Variants in ZFP62 observed in about 807,000 individuals in gnomAD.
ZFP62 encodes the protein ZFP62 zinc finger protein, also known as zinc finger protein 62 homolog.
ZFP62 carries 44 observed loss-of-function variants against 56.4 expected under a neutral mutation model. The ratio of observed to expected loss-of-function variants is 0.78; its 90% CI spans 0.61 to 1.00. The LOEUF (loss-of-function observed/expected upper bound fraction) is 1.00. Among genes scored for constraint, ZFP62 ranks in the 50% least tolerant of loss-of-function variants. The pLI, the probability that ZFP62 is intolerant of heterozygous loss-of-function variation, is 0.00. For missense variants in ZFP62, 1,030 were observed against 1,085.7 expected, an observed-to-expected ratio of 0.95 and a Z score of 0.72; for synonymous variants, 421 against 388.9, an observed-to-expected ratio of 1.08 and a Z score of -0.97.
At position 180,850,995 on chromosome 5, in the gene ZFP62, T is replaced by C; in HGVS notation, c.500A>G (p.Lys167Arg). The C allele has an allele frequency of 6.4e-7, 1 of 1,552,036 alleles. No homozygotes were observed. Among genetic ancestry groups the C allele is most frequent in the Non-Finnish European group, 8.7e-7 (1 of 1,147,216 alleles). Residue 167 changes from lysine to arginine, a missense_variant, in exon 2 of 2, where the codon AAG (lysine) becomes AGG (arginine). By Grantham distance (26) the Lys-to-Arg change is conservative (BLOSUM62 2). Transcript: ENST00000502412. The part of the protein sequence containing the change: ...VQHKIMHTGE[K>R]RYECDDCGGT... ...TCCACAGTCATCACATTCATAGCGC[T>C]TTTCCCCAGTGTGCATAATTTTATG...
chr5:180,851,103 T>C lies in ZFP62; in HGVS notation c.392A>G (p.Gln131Arg), dbSNP rs1381073162. ...TTTCTTAACAGCATTGGTTTTCTGC[T>C]GTAGACTAGGGTAGGAGGTTCCATT... ...NINGTSYPSL[Q>R]QKTNAVKKLH... Residue 131 changes from glutamine to arginine, a missense_variant, in exon 2 of 2, where the codon CAG becomes CGG. Transcript: ENST00000502412. 5 of 1,551,762 alleles carry C rather than the reference T, an allele frequency of 3.2e-6. No individual in the cohort carries two copies. The East Asian group carries it at 1.2e-4, about 38-fold the overall frequency.
the ZFP62 span, among the ~76,000 whole-genome samples, chr5:180,841,300 C>CAT: frequency 1.6e-3 from 196 of 119,980 alleles, 1 homozygote; most frequent in Admixed American, 3.6e-3. Context: ...TATACATACA[C>CAT]ATATATATAT....
the ZFP62 span, among the ~76,000 whole-genome samples, chr5:180,829,358 T>A: frequency 6.6e-6 from 1 of 152,274 alleles, no homozygotes; most frequent in South Asian, 2.1e-4. Flanking sequence ...CTTTGAAGCA[T>A]ATGATCTTTG....
In ZFP62 at chr5:180,848,112, T is replaced by C. The variant is rs75887751; in HGVS notation, c.*680A>G. ...AAAAAAGTTTCATCCATTCAACTAA[T>C]GTATCACAATAGTACGTTCATCAAT... is the stretch of plus-strand genomic sequence containing the variant. On this transcript the variant is annotated 3_prime_UTR_variant, in exon 2 of 2. Transcript: ENST00000502412. 4.1e-6 allele frequency: 4 copies of C among 985,350 alleles called. No homozygotes were observed. Among genetic ancestry groups the C allele is most frequent in the African/African-American group, 3.5e-5 (2 of 57,242 alleles). The allele number at this position is 985,350 out of a possible 1,614,324, so 61.0% of individuals were successfully genotyped here. A position where few individuals can be genotyped will look rare whatever the true frequency, so the allele number is the denominator to read the frequency against.
chr5:180,861,161 GA>G, intron 1 of ZFP62, 57 bp downstream of exon 1: 1 of 398,702 alleles, frequency 2.5e-6, no homozygotes, highest in Non-Finnish European at 4.4e-6. Flanking sequence ...CCAAAAAGGG[GA>G]GGGCGTGGCA....
chr5:180,827,433 A>C, the ZFP62 span, among the ~76,000 whole-genome samples: 8 of 152,324 alleles, frequency 5.3e-5, no homozygotes, highest in East Asian at 1.5e-3. Flanking sequence ...GTGCTGTGTC[A>C]ACTCAGGGTT....
chr5:180,853,252 C>T (rs535228299), intron 1 of ZFP62, among the ~76,000 whole-genome samples: 19 of 152,270 alleles, frequency 1.2e-4, no homozygotes, highest in African/African-American at 4.1e-4. Context: ...GGACGAGGAG[C>T]GCTTCTGAAT....
At chr5:180,858,170 T>G (rs142201767) in intron 1 of ZFP62, among the ~76,000 whole-genome samples, 40 of 134,314 alleles carry the variant, frequency 3.0e-4, no homozygotes, top group African/African-American at 1.1e-3. Flanking sequence ...AGCAGGAGAA[T>G]TGCCTGAATC....
the ZFP62 span, among the ~76,000 whole-genome samples, chr5:180,832,442 T>G: frequency 1.3e-5 from 2 of 152,220 alleles, no homozygotes. Context: ...CATGAGCCAC[T>G]GCGCCTGGGC....
intron 1 of ZFP62, among the ~76,000 whole-genome samples, 168 bp downstream of exon 1, chr5:180,861,051 C>A (rs1481658971): frequency 1.3e-5 from 2 of 152,206 alleles, no homozygotes; most frequent in East Asian, 3.9e-4. Flanking sequence ...GTCTTCCCTC[C>A]CCTCCGCTCC....
At chr5:180,847,589 C>CTCCA (rs1388625835), downstream of ZFP62, 1 of 985,288 alleles carries the variant, frequency 1.0e-6, no homozygotes, top group African/African-American at 1.7e-5. Flanking sequence ...CTTGGGTATC[C>CTCCA]TCCATCTAAA....
At chr5:180,833,138 G>A in the ZFP62 span, among the ~76,000 whole-genome samples, 3 of 152,236 alleles carry the variant, frequency 2.0e-5, no homozygotes, top group East Asian at 5.8e-4. Flanking sequence ...TTTGGAGGTG[G>A]GGCCTTTGGG....
At chr5:180,844,660 C>G (rs1253699137), downstream of ZFP62, among the ~76,000 whole-genome samples, 1 of 152,176 alleles carries the variant, frequency 6.6e-6, no homozygotes, top group Non-Finnish European at 1.5e-5. Flanking sequence ...GCTGGAGGCT[C>G]CTCCTGCTGA....
Position 180,848,287 on chromosome 5 carries a change from G to A in ZFP62, c.*505C>T. 2 of 985,280 alleles carry A rather than the reference G, an allele frequency of 2.0e-6. No individual in the cohort carries two copies. Among genetic ancestry groups the A allele is most frequent in the Non-Finnish European group, 2.4e-6 (2 of 829,862 alleles). The allele number at this position is 985,280 out of a possible 1,614,324, so 61.0% of individuals were successfully genotyped here. A position where few individuals can be genotyped will look rare whatever the true frequency, so the allele number is the denominator to read the frequency against. On this transcript the variant is annotated 3_prime_UTR_variant, in exon 2 of 2. Transcript: ENST00000502412. ...CAATTACATCAAGTTTATACTTAAA[G>A]ACCACTAATATTAAATAAATTTATA...
intron 1 of ZFP62, among the ~76,000 whole-genome samples, chr5:180,854,302 T>C (rs1208390263): frequency 6.6e-6 from 1 of 152,196 alleles, no homozygotes; most frequent in South Asian, 2.1e-4. Flanking sequence ...CCGTAATAAC[T>C]AAGTATAGTG....
chr5:180,843,301 G>T (rs1054077289), downstream of ZFP62, among the ~76,000 whole-genome samples: 3 of 151,824 alleles, frequency 2.0e-5, no homozygotes, highest in African/African-American at 7.2e-5. Flanking sequence ...GCCACTAAAA[G>T]AAGAGAAAAA....
the ZFP62 span, chr5:180,830,582 G>A: frequency 6.6e-6 from 1 of 152,280 alleles, no homozygotes; most frequent in South Asian, 2.1e-4. Flanking sequence ...ATTTACTCGG[G>A]TGGCTGGGTG....
At chr5:180,853,785 G>A (rs1030707639) in intron 1 of ZFP62, among the ~76,000 whole-genome samples, 1 of 152,174 alleles carries the variant, frequency 6.6e-6, no homozygotes, top group African/African-American at 2.4e-5. Context: ...TTCTGTAGAG[G>A]TATGAACAAA....
chr5:180,829,953 C>T, the ZFP62 span: 6 of 152,236 alleles, frequency 3.9e-5, no homozygotes, highest in Non-Finnish European at 8.8e-5. Context: ...AAATAAGAAT[C>T]TCAAGGTTGG....
Sources: allele counts gnomAD v4.1 joint callset (sites outside exome capture counted in the v4.1 genomes callset), GRCh38; gene constraint gnomAD v4.1.1; transcripts MANE v1.5; gene names NCBI Gene and HGNC (gene_info 2026-07-23, HGNC 2026-07-21).